The following CDH8 variants were observed in gnomAD, a reference collection of about 807,000 sequenced individuals.
The protein encoded by CDH8 is cadherin 8.
A neutral mutation model predicts 68.1 loss-of-function variants in CDH8; 17 were observed. That is an observed-to-expected ratio of 0.25 (90% CI 0.17 to 0.37). The LOEUF (loss-of-function observed/expected upper bound fraction) is 0.37, where lower values mean the gene tolerates loss of function less well. Among genes scored for constraint, CDH8 ranks in the 10% least tolerant of loss-of-function variants. The pLI, the probability that CDH8 is intolerant of heterozygous loss-of-function variation, is 1.00. For synonymous variants in CDH8, 372 were observed against 365.1 expected, an observed-to-expected ratio of 1.02 and a Z score of -0.21; for missense variants, 763 against 999.3, an observed-to-expected ratio of 0.76 and a Z score of 3.19.
intron 2 of CDH8, among the ~76,000 whole-genome samples, chr16:61,923,787 A>G (rs1236936756): frequency 6.8e-6 from 1 of 147,594 alleles, no homozygotes; most frequent in African/African-American, 2.5e-5. Flanking sequence ...TGTGATGTAT[A>G]TATGTGATAA....
intron 9 of CDH8, among the ~76,000 whole-genome samples, chr16:61,718,713 G>A (rs556464679): frequency 6.6e-6 from 1 of 151,362 alleles, no homozygotes; most frequent in African/African-American, 2.4e-5. Flanking sequence ...TTATATGGCT[G>A]TCATTCCTCA....
intron 8 of CDH8, among the ~76,000 whole-genome samples, chr16:61,788,324 GGCATATTTCCT>G (rs1961288421): frequency 2.0e-5 from 3 of 151,848 alleles, no homozygotes; most frequent in Admixed American, 1.3e-4. Context: ...TGAATTTTAG[GGCATATTTCCT>G]ATAATTATCA....
chr16:61,879,483 C>A (rs1332594445), intron 3 of CDH8, among the ~76,000 whole-genome samples: 1 of 152,160 alleles, frequency 6.6e-6, no homozygotes, highest in South Asian at 2.1e-4. Context: ...ATTCCAACAC[C>A]AAAATAGTCA....
intron 10 of CDH8, among the ~76,000 whole-genome samples, chr16:61,677,639 C>A (rs1277795950): frequency 6.6e-6 from 1 of 152,000 alleles, no homozygotes; most frequent in Non-Finnish European, 1.5e-5. Flanking sequence ...GGAATTTCAG[C>A]CTCTATGTAA....
chr16:61,721,450 C>A (rs1036002354), intron 9 of CDH8, among the ~76,000 whole-genome samples: 2 of 150,750 alleles, frequency 1.3e-5, no homozygotes, highest in African/African-American at 4.8e-5. Flanking sequence ...GCCATAACTT[C>A]ATTTTATTGT....
chr16:61,787,947 G>GGT (rs1961271079), intron 8 of CDH8, among the ~76,000 whole-genome samples: 1 of 122,838 alleles, frequency 8.1e-6, no homozygotes, highest in African/African-American at 3.1e-5. Context: ...GTGGTGGGGG[G>GGT]GGCGGGGGGA....
chr16:61,803,292 G>T (rs964835708), intron 7 of CDH8, among the ~76,000 whole-genome samples: 1 of 132,546 alleles, frequency 7.5e-6, no homozygotes, highest in Non-Finnish European at 1.6e-5. Context: ...CACTAGGCCT[G>T]CCCTAAAAGA....
At chr16:61,729,047 T>C (rs1315245933) in intron 8 of CDH8, among the ~76,000 whole-genome samples, 2 of 151,232 alleles carry the variant, frequency 1.3e-5, no homozygotes, top group Admixed American at 6.6e-5. Flanking sequence ...ATGTTTACTA[T>C]TCATGATGCA....
chr16:61,721,603 A>C (rs1205895556), intron 9 of CDH8, among the ~76,000 whole-genome samples: 1 of 150,648 alleles, frequency 6.6e-6, no homozygotes, highest in Non-Finnish European at 1.5e-5. Context: ...GGTTTCATGA[A>C]ATGCTTTTGA....
chr16:61,723,262 A>G (rs955755533), intron 9 of CDH8, among the ~76,000 whole-genome samples: 11 of 150,720 alleles, frequency 7.3e-5, no homozygotes, highest in African/African-American at 2.7e-4. Flanking sequence ...CTGAAGTTCT[A>G]TATTTTTCCT....
chr16:61,767,393 C>T (rs753573861), intron 8 of CDH8, among the ~76,000 whole-genome samples: 6 of 151,918 alleles, frequency 3.9e-5, no homozygotes, highest in Non-Finnish European at 7.4e-5. Context: ...CTTCAGGAAA[C>T]AAGTCAGCTG....
intron 10 of CDH8, chr16:61,667,061 T>A (rs1010911384): frequency 9.2e-5 from 14 of 152,020 alleles, no homozygotes; most frequent in African/African-American, 3.4e-4. Flanking sequence ...ACTTCCTACA[T>A]AATTAATTGA....
chr16:62,010,926 A>G (rs1338776718), intron 2 of CDH8, among the ~76,000 whole-genome samples: 1 of 148,986 alleles, frequency 6.7e-6, no homozygotes, highest in African/African-American at 2.5e-5. Context: ...CTGGGCAACA[A>G]GAGCGAAACT....
chr16:61,761,974 C>T (rs73557331), intron 8 of CDH8, among the ~76,000 whole-genome samples: 4,282 of 152,014 alleles, frequency 0.028, 197 homozygotes, highest in African/African-American at 0.098. Context: ...GCACTTCAGC[C>T]TGGACAACAG....
At chr16:61,940,535 GACT>G (rs1369995219) in intron 2 of CDH8, 1 of 152,548 alleles carries the variant, frequency 6.6e-6, no homozygotes, top group African/African-American at 2.4e-5. Context: ...GCGTAGCTGG[GACT>G]ACTACAGGCG....
chr16:61,810,954 G>A (rs1393452533), intron 7 of CDH8, among the ~76,000 whole-genome samples: 3 of 151,066 alleles, frequency 2.0e-5, no homozygotes, highest in Admixed American at 1.3e-4. Context: ...AACCCAAGAG[G>A]CTGAGGTTGC....
intron 4 of CDH8, among the ~76,000 whole-genome samples, chr16:61,831,111 T>C (rs956977114): frequency 6.6e-6 from 1 of 151,790 alleles, no homozygotes; most frequent in African/African-American, 2.4e-5. Context: ...GGAGTCTCAG[T>C]AGCTTAAGTT....
intron 2 of CDH8, among the ~76,000 whole-genome samples, chr16:61,954,154 A>G (rs1371708146): frequency 6.6e-6 from 1 of 151,900 alleles, no homozygotes; most frequent in Non-Finnish European, 1.5e-5. Flanking sequence ...AACTCTTTTC[A>G]TGTCAGGGCT....
intron 4 of CDH8, among the ~76,000 whole-genome samples, chr16:61,840,413 C>T (rs1219312253): frequency 1.3e-5 from 2 of 152,184 alleles, no homozygotes; most frequent in East Asian, 1.9e-4. Flanking sequence ...CATGTGCATT[C>T]TAGTGGGATC....
Sources: allele counts gnomAD v4.1 joint callset (sites outside exome capture counted in the v4.1 genomes callset), GRCh38; gene constraint gnomAD v4.1.1; transcripts MANE v1.5; gene names NCBI Gene and HGNC (gene_info 2026-07-23, HGNC 2026-07-21).